Variants in ABCA12 observed in about 807,000 individuals in gnomAD.
ABCA12 encodes glucosylceramide transporter ABCA12.
ABCA12 carries 156 observed loss-of-function variants against 293.5 expected under a neutral mutation model. The ratio of observed to expected loss-of-function variants is 0.53; its 90% CI spans 0.47 to 0.61. The LOEUF (loss-of-function observed/expected upper bound fraction) is 0.61, where lower values mean the gene tolerates loss of function less well. Among genes scored for constraint, ABCA12 ranks in the 20% least tolerant of loss-of-function variants. The pLI is 0.00. For synonymous variants in ABCA12, 1,063 were observed against 1,108.0 expected, an observed-to-expected ratio of 0.96 and a Z score of 0.81; for missense variants, 2,797 against 3,090.2, an observed-to-expected ratio of 0.91 and a Z score of 2.25.
intron 20 of ABCA12, among the ~76,000 whole-genome samples, chr2:215,003,096 G>A (rs1700177628): frequency 6.6e-6 from 1 of 152,060 alleles, no homozygotes; most frequent in Non-Finnish European, 1.5e-5. Context: ...ACAAATATAG[G>A]CATAATTCTT....
chr2:214,932,657 G>T lies in ABCA12; in HGVS notation c.7765C>A (p.Gln2589Lys). Reference protein sequence around the residue: ...SQGSTISVDSQDDQMES With the variant: ...SQGSTISVDSKDDQMES ...TGTTAAGACTCCATCTGGTCATCTT[G>T]TGAGTCAACACTTATAGTGGAACCT... Residue 2589 changes from glutamine to lysine, a missense_variant, in exon 53 of 53, where the codon CAA (glutamine) becomes AAA (lysine). By Grantham distance (53) the Gln-to-Lys change is moderately conservative (BLOSUM62 1). Coordinates refer to ENST00000272895, the MANE Select transcript of ABCA12 (RefSeq NM_173076.3). The T allele has an allele frequency of 1.2e-6, 2 of 1,613,282 alleles. No homozygotes were observed. Among genetic ancestry groups the T allele is most frequent in the Non-Finnish European group, 1.7e-6 (2 of 1,179,490 alleles).
chr2:215,044,456 A>C (rs1464301691), intron 7 of ABCA12: 2 of 152,150 alleles, frequency 1.3e-5, no homozygotes, highest in African/African-American at 4.8e-5. Context: ...TTACAGATTC[A>C]CCTGTTTGCT....
chr2:215,138,506 G>A lies in ABCA12; in HGVS notation c.-298C>T. On this transcript the variant is annotated 5_prime_UTR_variant, in exon 1 of 53. Transcript: ENST00000272895. ...AAATAATATCCAGTTGCTGCTTGTT[G>A]CACGAAGTCCAGACTCAAGAGAGAA... The A allele has an allele frequency of 2.5e-6, 1 of 404,396 alleles. No homozygotes were observed. Among genetic ancestry groups the A allele is most frequent in the South Asian group, 2.3e-5 (1 of 42,706 alleles). The allele number at this position is 404,396 out of a possible 1,614,324, so 25.1% of individuals were successfully genotyped here. A position where few individuals can be genotyped will look rare whatever the true frequency, so the allele number is the denominator to read the frequency against.
intron 2 of ABCA12, among the ~76,000 whole-genome samples, chr2:215,071,087 C>T (rs1446326982): frequency 1.3e-5 from 2 of 151,810 alleles, no homozygotes; most frequent in Non-Finnish European, 2.9e-5. Flanking sequence ...GTCCCACCTA[C>T]TCCAGAGGCT....
rs368069088 is a variant in ABCA12, at chr2:215,098,504, A to G, written c.163+13093T>C. Among the ~76,000 whole-genome samples the G allele has an allele frequency of 6.6e-5, 10 of 152,356 alleles. No individual in the cohort carries two copies. In the South Asian group the frequency reaches 1.7e-3, roughly 25 times the overall value. ...GTATTCCCATTTTCCACTGACTTGT[A>G]AGTAAATTTGAACAGACTTCTTTAA... On this transcript the variant is annotated intron_variant, in intron 2 of 52. Transcript: ENST00000272895.
chr2:215,089,206 T>TC (rs1433364208), intron 2 of ABCA12, among the ~76,000 whole-genome samples: 14 of 152,006 alleles, frequency 9.2e-5, no homozygotes, highest in African/African-American at 3.1e-4. Flanking sequence ...TATTTTTTTT[T>TC]CCCAGGCCTT....
At chr2:214,949,624 C>T (rs1227019703) in intron 45 of ABCA12, among the ~76,000 whole-genome samples, 1 of 152,166 alleles carries the variant, frequency 6.6e-6, no homozygotes, top group East Asian at 1.9e-4. Context: ...AACCAAGTGG[C>T]ACAGCCAGAT....
intron 28 of ABCA12, among the ~76,000 whole-genome samples, chr2:214,985,665 T>C (rs1699768848): frequency 6.6e-6 from 1 of 152,218 alleles, no homozygotes; most frequent in Admixed American, 6.5e-5. Flanking sequence ...ACTCATTTCA[T>C]GACCTCGTTT....
chr2:214,989,187 C>CATACATATCTATATATATATAT (rs1553526740), intron 26 of ABCA12, 142 bp downstream of exon 26: 1 of 28,016 alleles, frequency 3.6e-5, no homozygotes, highest in Non-Finnish European at 1.2e-4. Flanking sequence ...TCAATACATA[C>CATACATATCTATATATATATAT]ATATATATAT....
intron 41 of ABCA12, among the ~76,000 whole-genome samples, chr2:214,957,562 C>T (rs758897390): frequency 6.6e-6 from 1 of 152,180 alleles, no homozygotes; most frequent in Non-Finnish European, 1.5e-5. Flanking sequence ...TCACTGGATA[C>T]ATTAACAAAA....
intron 2 of ABCA12, among the ~76,000 whole-genome samples, chr2:215,104,583 T>C (rs2106120574): frequency 6.6e-6 from 1 of 152,344 alleles, no homozygotes; most frequent in Non-Finnish European, 1.5e-5. Context: ...TCAGTTTCTA[T>C]GGCTTCCACA....
At chr2:215,028,770 C>T (rs572902555) in intron 9 of ABCA12, among the ~76,000 whole-genome samples, 3 of 152,282 alleles carry the variant, frequency 2.0e-5, no homozygotes, top group African/African-American at 7.2e-5. Context: ...GTCATGCCTA[C>T]AGTCAAGTTT....
intron 2 of ABCA12, 70 bp downstream of exon 2, chr2:215,111,527 A>C: frequency 1.6e-6 from 2 of 1,282,974 alleles, no homozygotes; most frequent in Non-Finnish European, 2.3e-6. Context: ...ATGAAACACT[A>C]AAGTGGTACC....
At chr2:215,029,395 C>T (rs1700824165) in intron 9 of ABCA12, 1 of 152,216 alleles carries the variant, frequency 6.6e-6, no homozygotes, top group Admixed American at 6.5e-5. Context: ...GTGGTTCTCC[C>T]TTCCTCTCCT....
At chr2:215,015,339 C>T in intron 15 of ABCA12, 151 bp downstream of exon 15, 1 of 783,922 alleles carries the variant, frequency 1.3e-6, no homozygotes, top group Non-Finnish European at 2.0e-6. Flanking sequence ...TAAATGATCT[C>T]TAAGGTTGCA....
At chr2:215,089,751 T>C (rs961562091) in intron 2 of ABCA12, among the ~76,000 whole-genome samples, 5 of 152,226 alleles carry the variant, frequency 3.3e-5, no homozygotes, top group African/African-American at 1.2e-4. Flanking sequence ...CTTTCTCAAA[T>C]CTTAGGATAA....
At chr2:215,042,913 G>A (rs1701128743) in intron 7 of ABCA12, among the ~76,000 whole-genome samples, 1 of 151,862 alleles carries the variant, frequency 6.6e-6, no homozygotes, top group Non-Finnish European at 1.5e-5. Flanking sequence ...AACTTTTTTA[G>A]GATCCACATA....
chr2:214,947,569 A>G lies in ABCA12; in HGVS notation c.7105-13T>C. 1 of 1,613,754 alleles carries G rather than the reference A, an allele frequency of 6.2e-7. No individual in the cohort carries two copies. The highest frequency in any genetic ancestry group is 1.1e-5 in the South Asian group (1 of 91,060). ...GTTTATGAACAGTCTGTAGGCAATA[A>G]AAGGGGAGTTAGGTTGACCTTCCTG... On this transcript the variant is annotated splice_polypyrimidine_tract_variant and intron_variant, in intron 47 of 52. Coordinates refer to ENST00000272895, the MANE Select transcript of ABCA12 (RefSeq NM_173076.3).
At chr2:215,088,703 A>G (rs115322276) in intron 2 of ABCA12, among the ~76,000 whole-genome samples, 2,755 of 152,272 alleles carry the variant, frequency 0.018, 101 homozygotes, top group African/African-American at 0.063. Context: ...ATTTTAATAA[A>G]TGGGAAGAGG....
Sources: gnomAD v4.1 joint callset for allele counts (sites outside exome capture counted in the v4.1 genomes callset) on GRCh38, gnomAD v4.1.1 for gene constraint, MANE v1.5 for transcripts, NCBI Gene and HGNC (gene_info 2026-07-23, HGNC 2026-07-21) for gene names.